The following LDB2 variants were observed in gnomAD, a reference collection of about 807,000 sequenced individuals.
The protein encoded by LDB2 is LIM domain binding 2, also known as LIM domain-binding protein 2.
A neutral mutation model predicts 44.3 loss-of-function variants in LDB2; 12 were observed. That is an observed-to-expected ratio of 0.27 (90% CI 0.17 to 0.44). LDB2 has a LOEUF of 0.44. Ranked by LOEUF, LDB2 falls within the 20% of genes least tolerant of loss-of-function variation. LDB2 has a pLI of 1.00. For synonymous variants in LDB2, 164 were observed against 174.8 expected (o/e 0.94, Z 0.49); for missense variants, 344 against 473.5 (o/e 0.73, Z 2.54).
At chr4:16,520,857 ATGAAGAGACCATTCAAGGCCCC>A (rs1430452056) in intron 5 of LDB2, among the ~76,000 whole-genome samples, 10 of 152,296 alleles carry the variant, frequency 6.6e-5, no homozygotes, top group Admixed American at 1.3e-4. Context: ...CGTTAGGCCC[ATGAAGAGACCATTCAAGGCCCC>A]TTCTGTTCTG....
At chr4:16,631,669 CA>C in intron 2 of LDB2, among the ~76,000 whole-genome samples, 1 of 151,860 alleles carries the variant, frequency 6.6e-6, no homozygotes. Flanking sequence ...GAAAAGATAA[CA>C]AAATAGATAG....
chr4:16,774,319 T>C (rs1771423048), intron 1 of LDB2, among the ~76,000 whole-genome samples: 1 of 152,194 alleles, frequency 6.6e-6, no homozygotes, highest in Admixed American at 6.5e-5. Flanking sequence ...CAGAAAAGTC[T>C]TTATTTTCTA....
chr4:16,515,570 G>T (rs1723331467), intron 5 of LDB2, among the ~76,000 whole-genome samples: 1 of 152,090 alleles, frequency 6.6e-6, no homozygotes, highest in African/African-American at 2.4e-5. Flanking sequence ...TTTAAGAGTG[G>T]GTTATCCCTC....
intron 1 of LDB2, among the ~76,000 whole-genome samples, chr4:16,770,338 G>T (rs1182089517): frequency 6.6e-6 from 1 of 151,962 alleles, no homozygotes; most frequent in Admixed American, 6.6e-5. Context: ...CTAAAACCCA[G>T]CATATTCTCA....
intron 2 of LDB2, among the ~76,000 whole-genome samples, chr4:16,727,805 A>C (rs1290898577): frequency 6.6e-6 from 1 of 152,154 alleles, no homozygotes; most frequent in African/African-American, 2.4e-5. Flanking sequence ...TGCTTTTTTA[A>C]GATGGAGGCA....
intron 1 of LDB2, among the ~76,000 whole-genome samples, chr4:16,871,177 G>A (rs1716464255): frequency 6.6e-6 from 1 of 152,166 alleles, no homozygotes; most frequent in Non-Finnish European, 1.5e-5. Context: ...TATTATTGGT[G>A]CCCTTGGGGT....
chr4:16,515,035 C>T (rs1219078473), intron 5 of LDB2, among the ~76,000 whole-genome samples: 1 of 152,142 alleles, frequency 6.6e-6, no homozygotes, highest in Non-Finnish European at 1.5e-5. Flanking sequence ...GGAATCAACC[C>T]AAGTGCCCAT....
chr4:16,827,977 T>C (rs1434208988), intron 1 of LDB2, among the ~76,000 whole-genome samples: 1 of 152,158 alleles, frequency 6.6e-6, no homozygotes. Flanking sequence ...ACTTTTGTAC[T>C]TCCTGTCTCT....
chr4:16,621,531 T>C (rs1273277212), intron 2 of LDB2, among the ~76,000 whole-genome samples: 1 of 152,214 alleles, frequency 6.6e-6, no homozygotes, highest in Non-Finnish European at 1.5e-5. Context: ...AAATCAATTC[T>C]ATAAACTTAT....
intron 2 of LDB2, among the ~76,000 whole-genome samples, chr4:16,621,695 G>T (rs1728923778): frequency 6.6e-6 from 1 of 152,046 alleles, no homozygotes; most frequent in African/African-American, 2.4e-5. Flanking sequence ...TAGGACAACA[G>T]ACCTGCACCA....
chr4:16,629,240 C>A (rs1024939107), intron 2 of LDB2, among the ~76,000 whole-genome samples: 3 of 152,202 alleles, frequency 2.0e-5, no homozygotes, highest in African/African-American at 7.2e-5. Flanking sequence ...CAGACTTAAA[C>A]GTCCCTGCCT....
rs1560538722 is a variant in LDB2, at chr4:16,582,005, GGAAGGAAGGAA to G, written c.615+3906_615+3916del. 1.1e-4 allele frequency among the ~76,000 whole-genome samples: 3 copies of G among 27,546 alleles called. No homozygotes were observed. The highest frequency in any genetic ancestry group is 3.4e-4 in the Non-Finnish European group (3 of 8,892). The allele number at this position is 27,546 out of a possible 152,430, so 18.1% of individuals were successfully genotyped here. On this transcript the variant is annotated intron_variant, in intron 5 of 7. Transcript: ENST00000304523. This position sits in a 1 kb window ranked among gnomAD's most constrained non-coding sequence, Gnocchi z 4.8. ...AAGGGAAGGAAGGGAAGGAAGGGAA[GGAAGGAAGGAA>G]GGAAGGAAGGAAGGAAGGAAGGAAG...
intron 3 of LDB2, among the ~76,000 whole-genome samples, chr4:16,591,992 T>C (rs758529078): frequency 1.3e-5 from 2 of 152,146 alleles, no homozygotes; most frequent in Non-Finnish European, 2.9e-5. Flanking sequence ...TGACATTTTG[T>C]TTCTGTGGTA....
chr4:16,752,728 G>A (rs1203114810), intron 2 of LDB2, among the ~76,000 whole-genome samples: 2 of 152,184 alleles, frequency 1.3e-5, no homozygotes, highest in African/African-American at 4.8e-5. Flanking sequence ...TTACCCAGAT[G>A]TTACAGATGA....
chr4:16,691,342 G>A (rs1750733319), intron 2 of LDB2, among the ~76,000 whole-genome samples: 1 of 152,150 alleles, frequency 6.6e-6, no homozygotes, highest in Admixed American at 6.5e-5. Flanking sequence ...GAAGTTACAG[G>A]AATAACCATG....
At chr4:16,717,195 T>G (rs62298949) in intron 2 of LDB2, among the ~76,000 whole-genome samples, 3,041 of 150,430 alleles carry the variant, frequency 0.02, 38 homozygotes, top group Non-Finnish European at 0.029. Context: ...ATAATGATGA[T>G]GAGGAGGACT....
Position 16,759,216 on chromosome 4 carries a change from A to G in LDB2, c.177T>C (p.Phe59=), listed in dbSNP as rs1343901399. ...LWWDAFATEF[F]EDDATLTLSF... ...AAAGGGTTAATGTGGCGTCATCTTC[A>G]AAAAATTCAGTGGCAAAGGCGTCCC... Residue 59 remains phenylalanine, a synonymous_variant, in exon 2 of 8, where the codon TTT becomes TTC. Coordinates refer to ENST00000304523, the MANE Select transcript of LDB2 (RefSeq NM_001290.5). 1 of 1,614,056 alleles carries G rather than the reference A, an allele frequency of 6.2e-7. No individual in the cohort carries two copies. The highest frequency in any genetic ancestry group is 1.7e-5 in the Admixed American group (1 of 60,028).
At chr4:16,699,903 A>G (rs1183312952) in intron 2 of LDB2, among the ~76,000 whole-genome samples, 1 of 152,212 alleles carries the variant, frequency 6.6e-6, no homozygotes, top group African/African-American at 2.4e-5. Flanking sequence ...TAGGGGGGCC[A>G]GATTTAGCAA....
chr4:16,787,630 G>A (rs189103692), intron 1 of LDB2, among the ~76,000 whole-genome samples: 2 of 152,094 alleles, frequency 1.3e-5, no homozygotes, highest in Admixed American at 1.3e-4. Flanking sequence ...AAAAGAGTGG[G>A]GGTGCAACAA....
Sources: gnomAD v4.1 joint callset for allele counts (sites outside exome capture counted in the v4.1 genomes callset) on GRCh38, gnomAD v4.1.1 for gene constraint, Gnocchi (gnomAD v3.1) non-coding constraint, MANE v1.5 for transcripts, NCBI Gene and HGNC (gene_info 2026-07-23, HGNC 2026-07-21) for gene names.